LCP2: variants seen among roughly 807,000 people sequenced by gnomAD.
LCP2 encodes lymphocyte cytosolic protein 2.
In LCP2, 29 loss-of-function variants were observed where a neutral mutation model predicts 74.5. The observed-to-expected ratio is 0.39, with a 90% confidence interval of 0.29 to 0.53. The LOEUF is 0.53. Ranked by LOEUF, LCP2 falls within the 20% of genes least tolerant of loss-of-function variation. The pLI is 0.72. For missense variants in LCP2, 604 were observed against 634.6 expected, an observed-to-expected ratio of 0.95 and a Z score of 0.52; for synonymous variants, 228 against 229.5, an observed-to-expected ratio of 0.99 and a Z score of 0.06.
chr5:170,287,773 G>C (rs896740655), intron 3 of LCP2, 197 bp downstream of exon 3: 1 of 611,152 alleles, frequency 1.6e-6, no homozygotes, highest in African/African-American at 1.8e-5. Context: ...GTCACCAGCT[G>C]GGCTGGATCT....
intron 20 of LCP2, among the ~76,000 whole-genome samples, chr5:170,249,283 C>A (rs1354439220): frequency 6.6e-6 from 1 of 151,476 alleles, no homozygotes; most frequent in Non-Finnish European, 1.5e-5. Context: ...CGAGATTGCG[C>A]CATTGCCGCA....
intron 12 of LCP2, 46 bp from the exon 13 acceptor site, chr5:170,262,788 G>A: frequency 1.9e-6 from 3 of 1,613,688 alleles, no homozygotes; most frequent in Non-Finnish European, 2.5e-6. Flanking sequence ...ACTTTGCCGA[G>A]GCAGAGTTCT....
intron 3 of LCP2, among the ~76,000 whole-genome samples, chr5:170,279,151 A>C (rs1020012312): frequency 1.1e-4 from 16 of 152,294 alleles, no homozygotes; most frequent in African/African-American, 3.8e-4. Context: ...GCAGCCATAG[A>C]CAGCAGTCCT....
chr5:170,275,595 C>T (rs1761992935), intron 4 of LCP2, 200 bp downstream of exon 4: 1 of 642,608 alleles, frequency 1.6e-6, no homozygotes, highest in Non-Finnish European at 2.7e-6. Context: ...AGGAAGTTCC[C>T]CTGATGTCCC....
At chr5:170,276,933 G>C (rs1246353864) in intron 3 of LCP2, among the ~76,000 whole-genome samples, 1 of 151,546 alleles carries the variant, frequency 6.6e-6, no homozygotes, top group Non-Finnish European at 1.5e-5. Flanking sequence ...AAAAAAAGCT[G>C]GGCATGGTGG....
At chr5:170,255,350 C>A (rs1761531361) in intron 17 of LCP2, among the ~76,000 whole-genome samples, 1 of 152,196 alleles carries the variant, frequency 6.6e-6, no homozygotes, top group South Asian at 2.1e-4. Context: ...AATGTTGATT[C>A]TCAGGCTATC....
At chr5:170,248,927 G>GC in intron 20 of LCP2, 108 bp from the exon 21 acceptor site, 6 of 1,093,656 alleles carry the variant, frequency 5.5e-6, no homozygotes, top group South Asian at 1.4e-5. Context: ...AAGTGATGAG[G>GC]ATTGTGGGGG....
intron 3 of LCP2, among the ~76,000 whole-genome samples, chr5:170,281,440 C>T (rs967820314): frequency 2.6e-5 from 4 of 152,028 alleles, no homozygotes; most frequent in Admixed American, 1.3e-4. Flanking sequence ...CCACCACACT[C>T]GGCTAATTGT....
intron 2 of LCP2, among the ~76,000 whole-genome samples, chr5:170,290,532 C>G (rs1762270804): frequency 1.3e-5 from 2 of 152,172 alleles, no homozygotes; most frequent in African/African-American, 4.8e-5. Flanking sequence ...ATGCATTTAC[C>G]ATTCACCATA....
At chr5:170,283,096 A>T (rs1762130432) in intron 3 of LCP2, among the ~76,000 whole-genome samples, 1 of 152,054 alleles carries the variant, frequency 6.6e-6, no homozygotes, top group African/African-American at 2.4e-5. Context: ...GGCAGCCTGG[A>T]CCTTCCCTTG....
Position 170,246,769 on chromosome 5 carries a change from G to A in LCP2, c.*1928C>T, listed in dbSNP as rs1322046023. 2 of 152,270 alleles carry A rather than the reference G, an allele frequency of 1.3e-5. No homozygotes were observed. Among genetic ancestry groups the A allele is most frequent in the East Asian group, 3.8e-4 (2 of 5,200 alleles). The allele number at this position is 152,270 out of a possible 1,614,324, so 9.4% of individuals were successfully genotyped here. On this transcript the variant is annotated 3_prime_UTR_variant, in exon 21 of 21. Transcript: ENST00000046794. ...GATGTTTATCACTGAGCAGGGTTCT[G>A]AGCAACTGTGACTGATGCACCTGGG...
Position 170,289,617 on chromosome 5 carries a change from T to G in LCP2, c.142-1601A>C, listed in dbSNP as rs10074240. Among the ~76,000 whole-genome samples the G allele has an allele frequency of 7.8e-3, 958 of 122,160 alleles. 11 individuals are homozygous for G. The highest frequency in any genetic ancestry group is 0.028 in the African/African-American group (882 of 31,054). The allele number at this position is 122,160 out of a possible 152,430, so 80.1% of individuals were successfully genotyped here. A position where few individuals can be genotyped will look rare whatever the true frequency, so the allele number is the denominator to read the frequency against. ...TTTCTTTCTTTCTTTCTTTCTTTCT[T>G]TTTCTTTCTTTCTTTCTTTCTTTCT... is the stretch of plus-strand genomic sequence containing the variant. On this transcript the variant is annotated intron_variant, in intron 2 of 20. Coordinates refer to ENST00000046794, the MANE Select transcript of LCP2 (RefSeq NM_005565.5).
At chr5:170,254,421 C>T (rs1046036636) in intron 17 of LCP2, among the ~76,000 whole-genome samples, 25 of 152,248 alleles carry the variant, frequency 1.6e-4, no homozygotes, top group Admixed American at 1.6e-3. Flanking sequence ...CCTCCTGAGC[C>T]GCATCATCAA....
chr5:170,282,569 C>A (rs1762122921), intron 3 of LCP2, among the ~76,000 whole-genome samples: 1 of 152,174 alleles, frequency 6.6e-6, no homozygotes, highest in Non-Finnish European at 1.5e-5. Flanking sequence ...CCTCTCTATT[C>A]TTTAATTCCT....
intron 3 of LCP2, among the ~76,000 whole-genome samples, chr5:170,282,936 A>T (rs970682949): frequency 5.9e-5 from 9 of 152,150 alleles, no homozygotes; most frequent in Admixed American, 5.2e-4. Flanking sequence ...GAGTCTCTCT[A>T]ACCCATTCCT....
intron 13 of LCP2, 67 bp downstream of exon 13, chr5:170,262,568 G>T: frequency 8.1e-7 from 1 of 1,235,826 alleles, no homozygotes; most frequent in African/African-American, 1.5e-5. Context: ...CCACTGCAGA[G>T]TCAGCACAGG....
chr5:170,289,627 TTC>T (rs1476179143), intron 2 of LCP2, among the ~76,000 whole-genome samples: 207 of 99,740 alleles, frequency 2.1e-3, no homozygotes, highest in Non-Finnish European at 2.0e-3. Flanking sequence ...TTTTCTTTCT[TTC>T]TTTCTTTCTT....
At chr5:170,266,968 C>A (rs762020314) in intron 9 of LCP2, 41 bp downstream of exon 9, 1 of 1,612,812 alleles carries the variant, frequency 6.2e-7, no homozygotes, top group East Asian at 2.2e-5. Context: ...AGGGGAGTGC[C>A]TGGTGGGAAC....
At chr5:170,286,933 T>A (rs1762192581) in intron 3 of LCP2, among the ~76,000 whole-genome samples, 1 of 152,234 alleles carries the variant, frequency 6.6e-6, no homozygotes, top group Non-Finnish European at 1.5e-5. Context: ...AGACTATATG[T>A]AGCCCTTAGG....
Sources: allele counts gnomAD v4.1 joint callset (sites outside exome capture counted in the v4.1 genomes callset), GRCh38; gene constraint gnomAD v4.1.1; transcripts MANE v1.5; gene names NCBI Gene and HGNC (gene_info 2026-07-23, HGNC 2026-07-21).